The following ZNF195 variants were observed in gnomAD, a reference collection of about 807,000 sequenced individuals.
The protein encoded by ZNF195 is hypoxia-regulated factor-1.
Under a neutral mutation model 19.5 loss-of-function variants are expected in ZNF195, and 11 were observed. The ratio of observed to expected loss-of-function variants is 0.57; its 90% CI spans 0.36 to 0.94. The LOEUF (loss-of-function observed/expected upper bound fraction) is 0.94, where lower values mean the gene tolerates loss of function less well. Ranked by LOEUF, ZNF195 falls within the 40% of genes least tolerant of loss-of-function variation. ZNF195 has a pLI of 0.01. For synonymous variants in ZNF195, 214 were observed against 248.1 expected, an observed-to-expected ratio of 0.86 and a Z score of 1.29; for missense variants, 582 against 709.0, an observed-to-expected ratio of 0.82 and a Z score of 2.03.
At chr11:3,377,723 C>T (rs777986859) in intron 1 of ZNF195, 60 of 1,098,868 alleles carry the variant, frequency 5.5e-5, no homozygotes, top group Middle Eastern at 5.2e-4. Context: ...GAGAAATAAC[C>T]CAGGGCCTGA....
At chr11:3,364,452 C>A (rs1296855559) in intron 3 of ZNF195, among the ~76,000 whole-genome samples, 1 of 151,858 alleles carries the variant, frequency 6.6e-6, no homozygotes, top group Admixed American at 6.6e-5. Flanking sequence ...GTAAAAAATT[C>A]AAAATTCTGC....
intron 1 of ZNF195, among the ~76,000 whole-genome samples, chr11:3,372,825 T>G (rs1382669293): frequency 6.6e-6 from 1 of 152,224 alleles, no homozygotes; most frequent in Non-Finnish European, 1.5e-5. Context: ...TCTGCCTCCC[T>G]GGTTCAGGCA....
In ZNF195 at chr11:3,360,545, G is replaced by C; in HGVS notation, c.463C>G (p.Gln155Glu). The C allele has an allele frequency of 6.4e-7, 1 of 1,573,422 alleles. No homozygotes were observed. The highest frequency in any genetic ancestry group is 8.6e-7 in the Non-Finnish European group (1 of 1,166,978). Residue 155 changes from glutamine (Q) to glutamate (E), a missense_variant, in exon 6 of 6, where the codon CAA becomes GAA. By Grantham distance (29) the Gln-to-Glu change is conservative. Around this residue, in one of 3 missense-constraint regions of ZNF195, gnomAD observed 129 missense variants for 112.1 expected, o/e 1.15. Transcript: ENST00000399602. ...FSLAMSSHFT[Q>E]DLLPEQGIQD... ...ATGCCCTGCTCTGGCAGAAGGTCTT[G>C]GGTAAAATGAGAAGACATAGCTGAA...
At chr11:3,371,502 C>A in intron 2 of ZNF195, 75 bp downstream of exon 2, 1 of 1,600,414 alleles carries the variant, frequency 6.2e-7, no homozygotes, top group Non-Finnish European at 8.5e-7. Context: ...CAGAAACTCC[C>A]AAAAAACATT....
At chr11:3,370,835 A>G (rs1264697542) in intron 3 of ZNF195, 140 bp downstream of exon 3, 2 of 732,446 alleles carry the variant, frequency 2.7e-6, no homozygotes, top group Non-Finnish European at 4.7e-6. Flanking sequence ...CTCCTAGGGT[A>G]CAGCAAGAGA....
chr11:3,368,984 C>A, intron 3 of ZNF195: 1 of 339,018 alleles, frequency 2.9e-6, no homozygotes. Context: ...GAGAGAAAAC[C>A]TCTGATATTG....
chr11:3,370,650 A>G lies in ZNF195; in HGVS notation c.226+325T>C, dbSNP rs554197112. Among the ~76,000 whole-genome samples, 9 of 152,374 alleles carry G rather than the reference A, an allele frequency of 5.9e-5. No homozygotes were observed. In the South Asian group the frequency reaches 1.9e-3, roughly 32 times the overall value. On this transcript the variant is annotated intron_variant, in intron 3 of 5. Coordinates refer to ENST00000399602, the MANE Select transcript of ZNF195 (RefSeq NM_001130520.3). ...AAAAAACATTTAACAGAGTTCCTCA[A>G]AAACAGGCAGGTACAGGCATGTTCC...
chr11:3,367,577 T>C (rs1480054483), intron 3 of ZNF195, among the ~76,000 whole-genome samples: 7 of 152,122 alleles, frequency 4.6e-5, no homozygotes, highest in South Asian at 2.1e-4. Context: ...ATATGTTTAC[T>C]ATACCGATGC....
intron 3 of ZNF195, chr11:3,362,404 G>C (rs1298160244): frequency 3.0e-6 from 1 of 331,950 alleles, no homozygotes; most frequent in Non-Finnish European, 5.5e-6. Flanking sequence ...AAAGATGAAA[G>C]TAGAAAAATA....
chr11:3,371,676 T>G lies in ZNF195; in HGVS notation c.31A>C (p.Ile11Leu). MTLLTFRDVA[I>L]EFSLEEWKCL... ...TTCCACTCCTCCAGGGAGAATTCTA[T>G]GGCCACATCCCTGAACGTCAACAGA... The change falls in exon 2 of 6, where the codon ATA becomes CTA. Residue 11 changes from isoleucine to leucine, a missense_variant. Transcript: ENST00000399602. 6.2e-7 allele frequency: 1 copy of G among 1,611,978 alleles called. No homozygotes were observed. Among genetic ancestry groups the G allele is most frequent in the South Asian group, 1.1e-5 (1 of 90,880 alleles).
rs868810140 is a variant in ZNF195 at position 3,362,665 on chromosome 11, C to A, written c.227-776G>T. The A allele has an allele frequency of 2.4e-5, 11 of 462,472 alleles. No homozygotes were observed. The Middle Eastern group carries it at 1.2e-3, about 50-fold the overall frequency. The allele number at this position is 462,472 out of a possible 1,614,324, so 28.6% of individuals were successfully genotyped here. A position where few individuals can be genotyped will look rare whatever the true frequency, so the allele number is the denominator to read the frequency against. ...AGCTTATTATACAAAGTACAAGACA[C>A]AAAAAGGAAAGAGAGAAAGAAAAAG... On this transcript the variant is annotated intron_variant, in intron 3 of 5. Coordinates refer to ENST00000399602, the MANE Select transcript of ZNF195 (RefSeq NM_001130520.3).
intron 2 of ZNF195, 72 bp from the exon 3 acceptor site, chr11:3,371,142 T>C: frequency 7.2e-7 from 1 of 1,380,692 alleles, no homozygotes; most frequent in South Asian, 1.3e-5. Flanking sequence ...CTGTGCTTAG[T>C]AGAGTGAACA....
chr11:3,365,089 C>T (rs1848807643), intron 3 of ZNF195, among the ~76,000 whole-genome samples: 1 of 152,114 alleles, frequency 6.6e-6, no homozygotes, highest in African/African-American at 2.4e-5. Context: ...CGTACATTAA[C>T]CAGGAACCTG....
At chr11:3,372,042 G>A (rs554379835) in intron 1 of ZNF195, among the ~76,000 whole-genome samples, 1 of 152,310 alleles carries the variant, frequency 6.6e-6, no homozygotes, top group African/African-American at 2.4e-5. Flanking sequence ...ATTTTCATGT[G>A]TCCAATAAAC....
At chr11:3,376,979 T>C (rs1480029221) in intron 1 of ZNF195, among the ~76,000 whole-genome samples, 5 of 152,228 alleles carry the variant, frequency 3.3e-5, no homozygotes, top group African/African-American at 1.2e-4. Flanking sequence ...CCTGGTAGCA[T>C]TCCCAAAGCT....
In ZNF195 at chr11:3,360,705, T is replaced by C. The variant is rs1337490648; in HGVS notation, c.442+15A>G. On this transcript the variant is annotated intron_variant, in intron 5 of 5. Coordinates refer to ENST00000399602, the MANE Select transcript of ZNF195 (RefSeq NM_001130520.3). ...AGGCCCTAATTTCTGTATAAACATATAAATGTAACAATACCTAGTGAGAAG... is the reference window on the plus strand; with the variant it reads ...AGGCCCTAATTTCTGTATAAACATACAAATGTAACAATACCTAGTGAGAAG... 3.9e-6 allele frequency: 6 copies of C among 1,550,902 alleles called. No individual in the cohort carries two copies. The highest frequency in any genetic ancestry group is 5.2e-6 in the Non-Finnish European group (6 of 1,146,778).
chr11:3,359,738 C>G lies in ZNF195; in HGVS notation c.1270G>C (p.Asp424His). Reference sequence around the variant, plus strand: ...TGAATTCTCTTATGTTTAGTAAGGTCTGAGAACCACTTGAAGATGCTGTCA... The same window carrying G: ...TGAATTCTCTTATGTTTAGTAAGGTGTGAGAACCACTTGAAGATGCTGTCA... ...ECDSIFKWFSDLTKHKRIHTG... is the reference protein window; with the variant it reads ...ECDSIFKWFSHLTKHKRIHTG... The change falls in exon 6 of 6, where the codon GAC (aspartate) becomes CAC (histidine). Residue 424 changes from aspartate (D) to histidine (H), a missense_variant. By Grantham distance (81) the Asp-to-His change is moderately conservative (BLOSUM62 -1). This residue lies in a region of ZNF195 where 407 missense variants were observed against 530.5 expected (regional missense o/e 0.77). Transcript: ENST00000399602. This position sits in a 1 kb window ranked among gnomAD's most constrained non-coding sequence, Gnocchi z 5.5. 1.2e-6 allele frequency: 2 copies of G among 1,614,202 alleles called. No individual in the cohort carries two copies. Among genetic ancestry groups the G allele is most frequent in the Non-Finnish European group, 1.7e-6 (2 of 1,180,040 alleles).
At chr11:3,370,933 G>C (rs1407151523) in intron 3 of ZNF195, 42 bp downstream of exon 3, 2 of 1,604,610 alleles carry the variant, frequency 1.2e-6, no homozygotes, top group Admixed American at 3.3e-5. Flanking sequence ...TCGACCTCTG[G>C]ACCTCTCACC....
intron 3 of ZNF195, among the ~76,000 whole-genome samples, chr11:3,368,100 A>ACAAC (rs57748850): frequency 6.6e-6 from 1 of 151,614 alleles, no homozygotes; most frequent in Non-Finnish European, 1.5e-5. Flanking sequence ...AAACAAACAA[A>ACAAC]TAGTGCTTAC....
Sources: gnomAD v4.1 joint callset for allele counts (sites outside exome capture counted in the v4.1 genomes callset) on GRCh38, gnomAD v4.1.1 for gene constraint, gnomAD v4.1.1 regional missense constraint, Gnocchi (gnomAD v3.1) non-coding constraint, MANE v1.5 for transcripts, NCBI Gene and HGNC (gene_info 2026-07-23, HGNC 2026-07-21) for gene names.